The following CCDC38 variants were observed in gnomAD, a reference collection of about 807,000 sequenced individuals.
CCDC38 encodes coiled-coil domain-containing protein 38.
Under a neutral mutation model 72.8 loss-of-function variants are expected in CCDC38, and 69 were observed. The ratio of observed to expected loss-of-function variants is 0.95; its 90% CI spans 0.78 to 1.16. The LOEUF is 1.16. CCDC38 is among the 50% of genes most tolerant of loss of function. The pLI, the probability that CCDC38 is intolerant of heterozygous loss-of-function variation, is 0.00. For synonymous variants in CCDC38, 201 were observed against 213.2 expected (o/e 0.94, Z 0.50); for missense variants, 626 against 638.9 (o/e 0.98, Z 0.22).
At chr12:95,942,732 C>T (rs2080467254), upstream of CCDC38, 1 of 152,534 alleles carries the variant, frequency 6.6e-6, no homozygotes, top group Admixed American at 6.5e-5. Context: ...GCCCCAGAAC[C>T]TGTGGGCAGA....
At chr12:95,870,272 A>G (rs561300829) in intron 14 of CCDC38, among the ~76,000 whole-genome samples, 130 of 152,298 alleles carry the variant, frequency 8.5e-4, no homozygotes, top group Non-Finnish European at 1.7e-3. Context: ...AATATCCTCA[A>G]ATTGTGAGCA....
intron 2 of CCDC38, chr12:95,919,582 C>T: frequency 2.2e-6 from 1 of 456,056 alleles, no homozygotes; most frequent in South Asian, 1.5e-5. Flanking sequence ...GAAGTCACAG[C>T]TCCTCTGTCT....
chr12:95,910,965 C>A (rs1484054766), intron 4 of CCDC38, among the ~76,000 whole-genome samples: 1 of 152,148 alleles, frequency 6.6e-6, no homozygotes, highest in Non-Finnish European at 1.5e-5. Flanking sequence ...CGAAGTTGGA[C>A]TCATCATATT....
At chr12:95,906,205 G>A (rs2079999178) in intron 5 of CCDC38, among the ~76,000 whole-genome samples, 182 bp downstream of exon 5, 1 of 152,160 alleles carries the variant, frequency 6.6e-6, no homozygotes, top group Non-Finnish European at 1.5e-5. Flanking sequence ...TTTGTTTACT[G>A]CTTGGCACAT....
chr12:95,891,320 A>T (rs1253762101), intron 8 of CCDC38, among the ~76,000 whole-genome samples: 1 of 152,078 alleles, frequency 6.6e-6, no homozygotes, highest in Non-Finnish European at 1.5e-5. Context: ...CTCTATTTGG[A>T]TCATGAACCG....
chr12:95,924,370 A>G (rs374092539), intron 2 of CCDC38, among the ~76,000 whole-genome samples: 2 of 145,742 alleles, frequency 1.4e-5, no homozygotes, highest in African/African-American at 2.5e-5. Flanking sequence ...CATGTCCTTC[A>G]CCCACTTTTT....
At chr12:95,919,636 T>C (rs769724469) in intron 2 of CCDC38, 23 of 455,666 alleles carry the variant, frequency 5.0e-5, no homozygotes, top group South Asian at 2.8e-4. Context: ...TCATGAGGAA[T>C]GAGTTGATAA....
chr12:95,900,802 TA>T (rs2079942521), intron 5 of CCDC38, among the ~76,000 whole-genome samples: 1 of 152,244 alleles, frequency 6.6e-6, no homozygotes, highest in South Asian at 2.1e-4. Flanking sequence ...AATAAATAAA[TA>T]AATATCTTTT....
chr12:95,925,855 G>C (rs1243321626), intron 2 of CCDC38, among the ~76,000 whole-genome samples: 1 of 146,386 alleles, frequency 6.8e-6, no homozygotes, highest in South Asian at 2.3e-4. Flanking sequence ...ATTGATTTGC[G>C]TATATTGAAC....
Position 95,898,715 on chromosome 12 carries a change from T to C in CCDC38, c.386A>G (p.Lys129Arg), listed in dbSNP as rs767713783. ...RFLLEYALST[K>R]RNTIKKFEKD... ...TTCAAACTTTTTGATTGTGTTTCTT[T>C]TGGTTGACAAAGCATACTAGGGGCA... The change falls in exon 6 of 16, where the codon AAA becomes AGA. Residue 129 changes from lysine to arginine, a missense_variant. Transcript: ENST00000344280. 6.2e-7 allele frequency: 1 copy of C among 1,613,776 alleles called. No individual in the cohort carries two copies. Among genetic ancestry groups the C allele is most frequent in the South Asian group, 1.1e-5 (1 of 91,054 alleles).
intron 15 of CCDC38, among the ~76,000 whole-genome samples, 194 bp downstream of exon 15, chr12:95,869,286 C>G (rs1439357958): frequency 6.6e-6 from 1 of 152,114 alleles, no homozygotes; most frequent in Non-Finnish European, 1.5e-5. Context: ...AAATGTGTGT[C>G]TAATTGAGAA....
At chr12:95,878,371 CT>C in intron 12 of CCDC38, 25 bp from the exon 13 acceptor site, 2 of 1,602,670 alleles carry the variant, frequency 1.2e-6, no homozygotes, top group Non-Finnish European at 1.7e-6. Flanking sequence ...GAAAGAGACC[CT>C]CATCTGAAAT....
At chr12:95,926,375 A>G (rs2080270889) in intron 2 of CCDC38, among the ~76,000 whole-genome samples, 1 of 151,950 alleles carries the variant, frequency 6.6e-6, no homozygotes, top group Non-Finnish European at 1.5e-5. Context: ...TTTCTGTGGG[A>G]TCGGTGGTGA....
At chr12:95,940,085 G>A (rs1335147011) in intron 1 of CCDC38, among the ~76,000 whole-genome samples, 1 of 150,656 alleles carries the variant, frequency 6.6e-6, no homozygotes, top group African/African-American at 2.4e-5. Flanking sequence ...TTGTGAAGAA[G>A]TGATCCCTTA....
chr12:95,927,641 C>G (rs1182316190), intron 2 of CCDC38, among the ~76,000 whole-genome samples: 1 of 152,156 alleles, frequency 6.6e-6, no homozygotes, highest in Admixed American at 6.5e-5. Flanking sequence ...TCTTGATGGT[C>G]TTTACATTTT....
intron 12 of CCDC38, among the ~76,000 whole-genome samples, chr12:95,878,747 T>C (rs1055537971): frequency 6.6e-6 from 1 of 152,158 alleles, no homozygotes; most frequent in Non-Finnish European, 1.5e-5. Flanking sequence ...CCTCTAGAGA[T>C]AGATTCTATA....
rs75871625 is a variant in CCDC38, at chr12:95,930,973, T to C, written c.37+5500A>G. Reference sequence around the variant, plus strand: ...CTTGCAAATCCCTGACATTACTAATTAACAACCTTGAGAGAAGGCTTTCTC... The same window carrying C: ...CTTGCAAATCCCTGACATTACTAATCAACAACCTTGAGAGAAGGCTTTCTC... On this transcript the variant is annotated intron_variant, in intron 2 of 15. Transcript: ENST00000344280. 6.0e-5 allele frequency among the ~76,000 whole-genome samples: 3 copies of C among 49,792 alleles called. No homozygotes were observed. The East Asian group carries it at 2.0e-3, about 33-fold the overall frequency. The allele number at this position is 49,792 out of a possible 152,430, so 32.7% of individuals were successfully genotyped here.
intron 5 of CCDC38, among the ~76,000 whole-genome samples, chr12:95,904,699 T>A (rs903245169): frequency 6.6e-6 from 1 of 152,202 alleles, no homozygotes; most frequent in Non-Finnish European, 1.5e-5. Context: ...GCATGATTAA[T>A]TGATTGACCA....
At chr12:95,912,534 G>T (rs975880696) in intron 4 of CCDC38, among the ~76,000 whole-genome samples, 2 of 152,160 alleles carry the variant, frequency 1.3e-5, no homozygotes, top group African/African-American at 4.8e-5. Context: ...GAAAAAGTTT[G>T]AGTGTGCTGT....
Sources: allele counts gnomAD v4.1 joint callset (sites outside exome capture counted in the v4.1 genomes callset), GRCh38; gene constraint gnomAD v4.1.1; transcripts MANE v1.5; gene names NCBI Gene and HGNC (gene_info 2026-07-23, HGNC 2026-07-21).